Variants in C2CD2 observed in about 807,000 individuals in gnomAD.
C2CD2 encodes C2 domain-containing protein 2.
In C2CD2, 43 loss-of-function variants were observed where a neutral mutation model predicts 74.3. That is an observed-to-expected ratio of 0.58 (90% CI 0.45 to 0.75). C2CD2 has a LOEUF of 0.75. C2CD2 is among the 30% of genes least tolerant of loss of function. The pLI is 0.00. For missense variants in C2CD2, 801 were observed against 916.3 expected (o/e 0.87, Z 1.63); for synonymous variants, 422 against 390.7 (o/e 1.08, Z -0.94).
At position 41,888,965 on chromosome 21, in the gene C2CD2, A is replaced by G. The variant is rs2146121512; in HGVS notation, c.*159T>C. 1 of 635,994 alleles carries G rather than the reference A, an allele frequency of 1.6e-6. No individual in the cohort carries two copies. The highest frequency in any genetic ancestry group is 1.8e-5 in the African/African-American group (1 of 54,742). 39.4% of individuals were successfully genotyped at this position (635,994 alleles called of 1,614,324 possible). A position where few individuals can be genotyped will look rare whatever the true frequency, so the allele number is the denominator to read the frequency against. Reference sequence around the variant, plus strand: ...TCTGGGAGAAGCCTCCTGGCTGGAGACTCAGATTTTGTTTTCCCTTTAAAT... The same window carrying G: ...TCTGGGAGAAGCCTCCTGGCTGGAGGCTCAGATTTTGTTTTCCCTTTAAAT... On this transcript the variant is annotated 3_prime_UTR_variant, in exon 14 of 14. Transcript: ENST00000380486.
At chr21:41,951,636 A>G (rs1224484724) in intron 1 of C2CD2, among the ~76,000 whole-genome samples, 1 of 152,212 alleles carries the variant, frequency 6.6e-6, no homozygotes, top group African/African-American at 2.4e-5. Flanking sequence ...AGACTCAAGT[A>G]AAAAGTTTTC....
chr21:41,913,165 C>A (rs889297901), intron 6 of C2CD2, among the ~76,000 whole-genome samples: 1 of 152,196 alleles, frequency 6.6e-6, no homozygotes, highest in Non-Finnish European at 1.5e-5. Flanking sequence ...TGGAAATATA[C>A]CTCACAGAGT....
rs1404656437 is a variant in C2CD2, at chr21:41,929,583, T to A, written c.379-7498A>T. Among the ~76,000 whole-genome samples, 3 of 152,232 alleles carry A rather than the reference T, an allele frequency of 2.0e-5. No homozygotes were observed. Among genetic ancestry groups the A allele is most frequent in the Non-Finnish European group, 4.4e-5 (3 of 68,040 alleles). ...TTCCCCAGACTAGGTGGGTTATAACTTTTATTTAAAACTTTCAGTTCCAGC... is the reference window on the plus strand; with the variant it reads ...TTCCCCAGACTAGGTGGGTTATAACATTTATTTAAAACTTTCAGTTCCAGC... On this transcript the variant is annotated intron_variant, in intron 2 of 13. Coordinates refer to ENST00000380486, the MANE Select transcript of C2CD2 (RefSeq NM_015500.2). This position sits in a 1 kb window ranked among gnomAD's most constrained non-coding sequence, Gnocchi z 4.6.
intron 2 of C2CD2, among the ~76,000 whole-genome samples, chr21:41,932,123 T>C (rs1250096844): frequency 1.3e-5 from 2 of 148,504 alleles, no homozygotes; most frequent in African/African-American, 2.4e-5. Context: ...CAATCACCTA[T>C]GGCCAATGAT....
intron 13 of C2CD2, chr21:41,894,704 T>C (rs995441298): frequency 4.4e-6 from 2 of 456,834 alleles, no homozygotes; most frequent in Middle Eastern, 3.3e-4. Context: ...ATTCCAGCCA[T>C]GCGGACAGAG....
chr21:41,915,407 C>T (rs1465997831), intron 5 of C2CD2, among the ~76,000 whole-genome samples: 2 of 151,346 alleles, frequency 1.3e-5, no homozygotes, highest in South Asian at 2.1e-4. Flanking sequence ...ATTTCCCAAA[C>T]CGGGTTCCAC....
rs1295558731 is a variant in C2CD2, at chr21:41,886,753, G to C, written c.*2371C>G. Reference sequence around the variant, plus strand: ...TAATCCCAGCACGCTGGGAGGCCAAGGTGGGTGGATCACCTGAGGTCAGGA... The same window carrying C: ...TAATCCCAGCACGCTGGGAGGCCAACGTGGGTGGATCACCTGAGGTCAGGA... On this transcript the variant is annotated 3_prime_UTR_variant, in exon 14 of 14. Transcript: ENST00000380486. 1 of 152,178 alleles carries C rather than the reference G, an allele frequency of 6.6e-6. No homozygotes were observed. The highest frequency in any genetic ancestry group is 1.5e-5 in the Non-Finnish European group (1 of 68,068). 9.4% of individuals were successfully genotyped at this position (152,178 alleles called of 1,614,324 possible). A position where few individuals can be genotyped will look rare whatever the true frequency, so the allele number is the denominator to read the frequency against.
At chr21:41,912,502 T>TCA in intron 6 of C2CD2, 62 bp from the exon 7 acceptor site, 1 of 830,620 alleles carries the variant, frequency 1.2e-6, no homozygotes, top group Non-Finnish European at 1.7e-6. Flanking sequence ...TATTTTTTTT[T>TCA]TTTTTTGAGA....
At position 41,926,259 on chromosome 21, in the gene C2CD2, T is replaced by G. The variant is rs1175025540; in HGVS notation, c.379-4174A>C. On this transcript the variant is annotated intron_variant, in intron 2 of 13. Transcript: ENST00000380486. This position sits in a 1 kb window ranked among gnomAD's most constrained non-coding sequence, Gnocchi z 8.0. ...AGCAAAGATTATTTACATAAAGCAT[T>G]TGAAAATCAAGCAACAGAAGGGTGA... 1.8e-5 allele frequency: 3 copies of G among 163,332 alleles called. No homozygotes were observed. Among genetic ancestry groups the G allele is most frequent in the Admixed American group, 1.3e-4 (2 of 15,290 alleles). 10.1% of individuals were successfully genotyped at this position (163,332 alleles called of 1,614,324 possible). A position where few individuals can be genotyped will look rare whatever the true frequency, so the allele number is the denominator to read the frequency against.
Position 41,917,832 on chromosome 21 carries a change from G to C in C2CD2, c.720+273C>G, listed in dbSNP as rs138662146. ...GTTCTCAACACTGGCTGCTTTCCCA[G>C]GTACCTTGGTCCTGGAAAGATGAGG... On this transcript the variant is annotated intron_variant, in intron 5 of 13. Transcript: ENST00000380486. 2.7e-3 allele frequency among the ~76,000 whole-genome samples: 408 copies of C among 152,268 alleles called. 3 individuals are homozygous for C. The highest frequency in any genetic ancestry group is 9.7e-3 in the African/African-American group (402 of 41,542).
rs972357938 is a variant in C2CD2, at chr21:41,929,437, C to T, written c.379-7352G>A. ...GGGCACAGGCCTGCCCTGCTTCCCA[C>T]AGCCCTGCACGGGAGGGGCCCCTAC... On this transcript the variant is annotated intron_variant, in intron 2 of 13. Transcript: ENST00000380486. The surrounding 1 kb of genome is among the most constrained non-coding windows in gnomAD (Gnocchi z 4.6). Among the ~76,000 whole-genome samples, 6 of 152,256 alleles carry T rather than the reference C, an allele frequency of 3.9e-5. No homozygotes were observed. Among genetic ancestry groups the T allele is most frequent in the African/African-American group, 1.4e-4 (6 of 41,460 alleles).
rs540370737 is a variant in C2CD2 at position 41,926,046 on chromosome 21, G to A, written c.379-3961C>T. ...TGCTATTAATACAGGATTTTAAAAA[G>A]TTAAATAGAAGCAATTATTTGGCAT... On this transcript the variant is annotated intron_variant, in intron 2 of 13. Transcript: ENST00000380486. The surrounding 1 kb of genome is among the most constrained non-coding windows in gnomAD (Gnocchi z 8.0). Among the ~76,000 whole-genome samples the A allele has an allele frequency of 5.9e-5, 9 of 152,272 alleles. No homozygotes were observed. In the East Asian group the frequency reaches 1.7e-3, roughly 29 times the overall value.
At chr21:41,913,588 G>A (rs936948750) in intron 6 of C2CD2, among the ~76,000 whole-genome samples, 4 of 152,186 alleles carry the variant, frequency 2.6e-5, no homozygotes, top group Non-Finnish European at 5.9e-5. Flanking sequence ...CAACATGTGG[G>A]CACTTTTACC....
At position 41,905,896 on chromosome 21, in the gene C2CD2, A is replaced by C. The variant is rs1601561163; in HGVS notation, c.1319-59T>G. The C allele has an allele frequency of 3.2e-6, 3 of 940,842 alleles. No individual in the cohort carries two copies. The East Asian group carries it at 7.2e-5, about 23-fold the overall frequency. The allele number at this position is 940,842 out of a possible 1,614,324, so 58.3% of individuals were successfully genotyped here. A position where few individuals can be genotyped will look rare whatever the true frequency, so the allele number is the denominator to read the frequency against. On this transcript the variant is annotated intron_variant, in intron 10 of 13. Coordinates refer to ENST00000380486, the MANE Select transcript of C2CD2 (RefSeq NM_015500.2). The stretch of plus-strand genomic sequence containing the variant: ...CCCGTGGCTGACTGGATCAACAGTT[A>C]CCGAAAAGTGAAAGGACAGCCCTCA...
chr21:41,938,299 G>A (rs1328057237), intron 2 of C2CD2, among the ~76,000 whole-genome samples: 2 of 152,052 alleles, frequency 1.3e-5, no homozygotes, highest in African/African-American at 2.4e-5. Flanking sequence ...TCATAGCTCA[G>A]GTAAAGGAAG....
intron 2 of C2CD2, among the ~76,000 whole-genome samples, chr21:41,928,773 A>G (rs1431057753): frequency 6.6e-6 from 1 of 152,004 alleles, no homozygotes; most frequent in Non-Finnish European, 1.5e-5. Context: ...ACACACACCC[A>G]GGGCGAGTTA....
At chr21:41,920,001 C>T (rs116658426) in intron 3 of C2CD2, among the ~76,000 whole-genome samples, 1,877 of 152,240 alleles carry the variant, frequency 0.012, 35 homozygotes, top group African/African-American at 0.042. Flanking sequence ...GGCATCCCTG[C>T]GGGTGTGGAC....
At chr21:41,902,941 C>A (rs1197853714) in intron 11 of C2CD2, among the ~76,000 whole-genome samples, 1 of 152,176 alleles carries the variant, frequency 6.6e-6, no homozygotes, top group Non-Finnish European at 1.5e-5. Context: ...AAGGCTGGAA[C>A]TTTCTGCCCT....
At chr21:41,917,323 A>G (rs1486730916) in intron 5 of C2CD2, among the ~76,000 whole-genome samples, 1 of 152,262 alleles carries the variant, frequency 6.6e-6, no homozygotes, top group Non-Finnish European at 1.5e-5. Context: ...GACTTCACCA[A>G]GAGCTAGATA....
Sources: allele counts gnomAD v4.1 joint callset (sites outside exome capture counted in the v4.1 genomes callset), GRCh38; gene constraint gnomAD v4.1.1; non-coding constraint Gnocchi (gnomAD v3.1); transcripts MANE v1.5; gene names NCBI Gene and HGNC (gene_info 2026-07-23, HGNC 2026-07-21).